CHAT: variants seen among roughly 807,000 people sequenced by gnomAD.
CHAT encodes acetyl CoA:choline O-acetyltransferase.
A neutral mutation model predicts 76.9 loss-of-function variants in CHAT; 61 were observed. That is an observed-to-expected ratio of 0.79 (90% confidence interval 0.65 to 0.98). CHAT has a LOEUF of 0.98. Among genes scored for constraint, CHAT ranks in the 50% least tolerant of loss-of-function variants. CHAT has a pLI of 0.00. For missense variants in CHAT, 946 were observed against 986.9 expected (o/e 0.96, Z 0.56); for synonymous variants, 407 against 397.4 (o/e 1.02, Z -0.29).
chr10:49,614,629 C>A (rs1443888227), intron 1 of CHAT, among the ~76,000 whole-genome samples, 154 bp downstream of exon 1: 3 of 152,194 alleles, frequency 2.0e-5, no homozygotes, highest in Non-Finnish European at 4.4e-5. Flanking sequence ...CGGGGGTCAG[C>A]TAGGAAGCTG....
intron 11 of CHAT, among the ~76,000 whole-genome samples, chr10:49,652,327 A>G (rs1321345435): frequency 6.6e-6 from 1 of 151,994 alleles, no homozygotes; most frequent in East Asian, 1.9e-4. Context: ...CTCCATCCCA[A>G]CTTCCCCCAT....
intron 2 of CHAT, 94 bp from the exon 3 acceptor site, chr10:49,619,631 A>T: frequency 8.1e-7 from 1 of 1,235,356 alleles, no homozygotes; most frequent in Non-Finnish European, 1.2e-6. Flanking sequence ...AGAACAACAC[A>T]GGGGCAGAAC....
upstream of CHAT, among the ~76,000 whole-genome samples, chr10:49,609,982 G>A (rs1225044932): frequency 1.3e-5 from 2 of 151,998 alleles, no homozygotes; most frequent in African/African-American, 4.8e-5. Context: ...CCCAAGAGGA[G>A]AAGAGCGGGC....
At chr10:49,622,241 T>A in intron 5 of CHAT, 91 bp downstream of exon 5, 1 of 1,339,812 alleles carries the variant, frequency 7.5e-7, no homozygotes, top group Non-Finnish European at 1.1e-6. Flanking sequence ...CAGCTCTGTA[T>A]TCCCATTCCT....
chr10:49,661,671 G>A (rs1486837155), intron 13 of CHAT, among the ~76,000 whole-genome samples: 1 of 152,164 alleles, frequency 6.6e-6, no homozygotes, highest in Non-Finnish European at 1.5e-5. Context: ...GTTACTCACA[G>A]TTACCCTGAT....
At chr10:49,631,969 G>A (rs1839138994) in intron 7 of CHAT, among the ~76,000 whole-genome samples, 1 of 151,388 alleles carries the variant, frequency 6.6e-6, no homozygotes, top group African/African-American at 2.4e-5. Flanking sequence ...GGTTATTGGG[G>A]GGGTAAAACC....
In CHAT at chr10:49,664,866, C is replaced by T. The variant is rs3793801; in HGVS notation, c.2067C>T (p.Ile689=). The change falls in exon 15 of 15, where the codon ATC becomes ATT. Residue 689 remains isoleucine (I), a synonymous_variant. Transcript: ENST00000337653. Reference sequence around the variant, plus strand: ...GCTACAACCCCCAGCCAGAGACCATCCTTTTCTGCATCTCTAGCTTTCACA... The same window carrying T: ...GCTACAACCCCCAGCCAGAGACCATTCTTTTCTGCATCTCTAGCTTTCACA... ...GACYNPQPET[I]LFCISSFHSC... 0.015 allele frequency: 23,549 copies of T among 1,614,196 alleles called. 2,610 individuals are homozygous for T. The East Asian group carries it at 0.32, about 22-fold the overall frequency.
At chr10:49,633,152 G>A (rs1257685847) in intron 7 of CHAT, among the ~76,000 whole-genome samples, 4 of 152,248 alleles carry the variant, frequency 2.6e-5, no homozygotes, top group African/African-American at 9.6e-5. Context: ...GCAGACTGGG[G>A]TTGGATGATG....
intron 14 of CHAT, among the ~76,000 whole-genome samples, chr10:49,663,243 A>G (rs1840253475): frequency 6.6e-6 from 1 of 152,166 alleles, no homozygotes; most frequent in African/African-American, 2.4e-5. Context: ...AAAAGAAAAA[A>G]GGAAGAAGAA....
rs1168379443 is a variant in CHAT, at chr10:49,666,294, A to AGCTCCG, written c.*1250_*1251insTCCGGC. Among the ~76,000 whole-genome samples, 11 of 152,202 alleles carry AGCTCCG rather than the reference A, an allele frequency of 7.2e-5. No individual in the cohort carries two copies. Among genetic ancestry groups the AGCTCCG allele is most frequent in the Non-Finnish European group, 1.6e-4 (11 of 68,028 alleles). On this transcript the variant is annotated 3_prime_UTR_variant, in exon 15 of 15. Coordinates refer to ENST00000337653, the MANE Select transcript of CHAT (RefSeq NM_020549.5). The stretch of plus-strand genomic sequence containing the variant: ...CAGCTCCAGCCCCAGCTCCAGCTCC[A>AGCTCCG]GCATGGGCAGGACAGGCAGGTCAGC...
At chr10:49,620,314 G>A (rs993275451) in intron 3 of CHAT, among the ~76,000 whole-genome samples, 181 bp from the exon 4 acceptor site, 1 of 152,066 alleles carries the variant, frequency 6.6e-6, no homozygotes, top group Non-Finnish European at 1.5e-5. Context: ...GAGACAGGAG[G>A]GCACAAAGGT....
Position 49,614,051 on chromosome 10 carries a change from G to A in CHAT, c.-139G>A, listed in dbSNP as rs1421440287. The A allele has an allele frequency of 2.8e-6, 4 of 1,443,640 alleles. No homozygotes were observed. The African/African-American group carries it at 5.6e-5, about 20-fold the overall frequency. 89.4% of individuals were successfully genotyped at this position (1,443,640 alleles called of 1,614,324 possible). On this transcript the variant is annotated 5_prime_UTR_variant, in exon 1 of 15. Transcript: ENST00000337653. ...CGGTGACTGGGAAATGCTGAGCTAG[G>A]GGCAGGAGGCATGGGCGGGACAGTG...
chr10:49,653,383 G>C (rs375105033), intron 11 of CHAT, among the ~76,000 whole-genome samples: 2 of 152,090 alleles, frequency 1.3e-5, no homozygotes, highest in Admixed American at 1.3e-4. Flanking sequence ...CAGAAGCAGC[G>C]GCTCATCAAC....
chr10:49,619,611 C>A, intron 2 of CHAT, 114 bp from the exon 3 acceptor site: 1 of 1,047,532 alleles, frequency 9.5e-7, no homozygotes, highest in Non-Finnish European at 1.4e-6. Context: ...ATGGAGGGGT[C>A]CCAGGGTAGA....
In CHAT at chr10:49,616,529, G is replaced by C. The variant is rs149711635; in HGVS notation, c.314G>C (p.Gly105Ala). 3.0e-5 allele frequency: 49 copies of C among 1,612,910 alleles called. No individual in the cohort carries two copies. Among genetic ancestry groups the C allele is most frequent in the Non-Finnish European group, 4.0e-5 (47 of 1,179,478 alleles). The change falls in exon 2 of 15, where the codon GGA becomes GCA. Residue 105 changes from glycine (G) to alanine (A), a missense_variant. By Grantham distance (60) the Gly-to-Ala change is moderately conservative. Coordinates refer to ENST00000337653, the MANE Select transcript of CHAT (RefSeq NM_020549.5). ...AGPHLCIPAP[G>A]LTKTPILEKV... ...CCACACCTCTGCATCCCTGCACCAGGACTCACCAAGACGCCCATCCTGGAA... is the reference window on the plus strand; with the variant it reads ...CCACACCTCTGCATCCCTGCACCAGCACTCACCAAGACGCCCATCCTGGAA...
rs748250869 is a variant in CHAT, at chr10:49,625,640, C to T, written c.920C>T (p.Ala307Val). Reference protein sequence around the residue: ...IMPEPEHVIVACCNQFFVLDV... With the variant: ...IMPEPEHVIVVCCNQFFVLDV... ...CCGGAGCCTGAGCACGTCATCGTAG[C>T]CTGCTGCAATCAGGTAAGCAACCCC... The change falls in exon 6 of 15, where the codon GCC becomes GTC. Residue 307 changes from alanine (A) to valine (V), a missense_variant. Around this residue, in one of 3 missense-constraint regions of CHAT, gnomAD observed 548 missense variants for 516.2 expected, o/e 1.06. Coordinates refer to ENST00000337653, the MANE Select transcript of CHAT (RefSeq NM_020549.5). 1.3e-6 allele frequency: 2 copies of T among 1,572,820 alleles called. No homozygotes were observed. Among genetic ancestry groups the T allele is most frequent in the South Asian group, 2.3e-5 (2 of 86,096 alleles).
rs750218651 is a variant in CHAT, at chr10:49,622,169, T to C, written c.752+19T>C. ...TGGACAGGTAGGACTGGGAGGGTGG[T>C]GCCCTGTTCCAGCACAGTCTGCCTA... is the stretch of plus-strand genomic sequence containing the variant. On this transcript the variant is annotated intron_variant, in intron 5 of 14. Transcript: ENST00000337653. 5.6e-6 allele frequency: 9 copies of C among 1,613,454 alleles called. No individual in the cohort carries two copies. Among genetic ancestry groups the C allele is most frequent in the Middle Eastern group, 1.7e-4 (1 of 6,060 alleles).
At chr10:49,618,914 G>A (rs746111557) in intron 2 of CHAT, among the ~76,000 whole-genome samples, 4 of 152,166 alleles carry the variant, frequency 2.6e-5, no homozygotes, top group Non-Finnish European at 4.4e-5. Flanking sequence ...CTCTCAGGTA[G>A]GAATTGTTAT....
intron 7 of CHAT, among the ~76,000 whole-genome samples, chr10:49,639,069 T>C (rs945421662): frequency 6.6e-6 from 1 of 152,088 alleles, no homozygotes; most frequent in African/African-American, 2.4e-5. Context: ...ACCCTGTCTC[T>C]ACTAATAATA....
Sources: gnomAD v4.1 joint callset for allele counts (sites outside exome capture counted in the v4.1 genomes callset) on GRCh38, gnomAD v4.1.1 for gene constraint, gnomAD v4.1.1 regional missense constraint, MANE v1.5 for transcripts, NCBI Gene and HGNC (gene_info 2026-07-23, HGNC 2026-07-21) for gene names.